ASAP2: variants seen among roughly 807,000 people sequenced by gnomAD.
ASAP2 encodes arf-GAP with SH3 domain, ANK repeat and PH domain-containing protein 2.
A neutral mutation model predicts 131.4 loss-of-function variants in ASAP2; 45 were observed. The observed-to-expected ratio is 0.34, with a 90% CI of 0.27 to 0.44. The LOEUF is 0.44. Ranked by LOEUF, ASAP2 falls within the 20% of genes least tolerant of loss-of-function variation. ASAP2 has a pLI of 1.00. For synonymous variants in ASAP2, 510 were observed against 503.0 expected, an observed-to-expected ratio of 1.01 and a Z score of -0.19; for missense variants, 1,011 against 1,297.0, an observed-to-expected ratio of 0.78 and a Z score of 3.39.
chr2:9,342,201 G>A (rs956985422), intron 9 of ASAP2, among the ~76,000 whole-genome samples: 15 of 152,248 alleles, frequency 9.9e-5, no homozygotes, highest in Middle Eastern at 3.4e-3. Flanking sequence ...ACCCAGAATC[G>A]TCAAAACAAT....
chr2:9,289,726 A>G (rs1667687043), intron 2 of ASAP2, among the ~76,000 whole-genome samples: 1 of 152,170 alleles, frequency 6.6e-6, no homozygotes, highest in African/African-American at 2.4e-5. Flanking sequence ...ATAAGGCAGG[A>G]TCAAAGAGGA....
intron 1 of ASAP2, among the ~76,000 whole-genome samples, chr2:9,267,883 G>A (rs1572299231): frequency 8.7e-6 from 1 of 114,944 alleles, no homozygotes; most frequent in Non-Finnish European, 1.6e-5. Context: ...GAGCAACAGA[G>A]CAAGACTCTA....
chr2:9,221,561 T>C (rs1254010977), intron 1 of ASAP2, among the ~76,000 whole-genome samples: 1 of 152,210 alleles, frequency 6.6e-6, no homozygotes, highest in African/African-American at 2.4e-5. Context: ...TTCTTTTTGA[T>C]GTGAGTGGAA....
chr2:9,359,125 G>T (rs1441571924), intron 15 of ASAP2, among the ~76,000 whole-genome samples: 1 of 152,192 alleles, frequency 6.6e-6, no homozygotes. Flanking sequence ...CAAAACAGGA[G>T]CATTGAGAGT....
In ASAP2 at chr2:9,385,354, T is replaced by C. The variant is rs201192378; in HGVS notation, c.2126T>C (p.Leu709Ser). Residue 709 changes from leucine to serine, a missense_variant, in exon 21 of 28, where the codon TTG (leucine) becomes TCG (serine). Leu to Ser is a moderately radical substitution (Grantham distance 145, BLOSUM62 -2). This residue lies in a region of ASAP2 where 652 missense variants were observed against 698.9 expected (regional missense o/e 0.93). Coordinates refer to ENST00000281419, the MANE Select transcript of ASAP2 (RefSeq NM_003887.3). ...AGTGATGACGACATGGATGAGAAAT[T>C]GCAGGTCTGTGCCAGGTTGCTAACC... is the stretch of plus-strand genomic sequence containing the variant. Reference protein sequence around the residue: ...DESDDDMDEKLQPSPNRREDR... With the variant: ...DESDDDMDEKSQPSPNRREDR... 14 of 1,611,014 alleles carry C rather than the reference T, an allele frequency of 8.7e-6. No individual in the cohort carries two copies. Among genetic ancestry groups the C allele is most frequent in the Non-Finnish European group, 1.0e-5 (12 of 1,177,200 alleles).
At chr2:9,322,388 G>A (rs1269253827) in intron 5 of ASAP2, among the ~76,000 whole-genome samples, 1 of 152,176 alleles carries the variant, frequency 6.6e-6, no homozygotes, top group Admixed American at 6.5e-5. Context: ...AGGCTCTACA[G>A]AAAGAGCTGC....
chr2:9,275,059 A>G (rs547740659), intron 1 of ASAP2, among the ~76,000 whole-genome samples: 1 of 142,540 alleles, frequency 7.0e-6, no homozygotes, highest in East Asian at 2.0e-4. Flanking sequence ...TTCCAGTCCC[A>G]TGTTTTGTTT....
chr2:9,318,006 G>A (rs1669912811), intron 3 of ASAP2, among the ~76,000 whole-genome samples: 1 of 147,562 alleles, frequency 6.8e-6, no homozygotes, highest in Non-Finnish European at 1.5e-5. Context: ...ACACACACAC[G>A]TCTTTTCTCA....
intron 1 of ASAP2, chr2:9,271,323 G>A: frequency 1.0e-6 from 1 of 995,380 alleles, no homozygotes; most frequent in Non-Finnish European, 1.6e-6. Flanking sequence ...TCCTTAGCCA[G>A]TCCAAGCTCT....
At chr2:9,376,360 T>C (rs1178470591) in intron 17 of ASAP2, among the ~76,000 whole-genome samples, 1 of 152,244 alleles carries the variant, frequency 6.6e-6, no homozygotes, top group African/African-American at 2.4e-5. Flanking sequence ...TCCTTGTTCA[T>C]CTCTTCTCCC....
intron 1 of ASAP2, among the ~76,000 whole-genome samples, chr2:9,256,180 AAG>A (rs1491007792): frequency 1.2e-4 from 17 of 143,006 alleles, no homozygotes; most frequent in African/African-American, 4.5e-4. Context: ...AAAAAAAAAA[AAG>A]AAAGCAAGTA....
At position 9,301,820 on chromosome 2, in the gene ASAP2, C is replaced by CTTTTTTTTTTTTTTTTTTT. The variant is rs1177064910; in HGVS notation, c.345+4378_345+4396dup. On this transcript the variant is annotated intron_variant, in intron 3 of 27. Coordinates refer to ENST00000281419, the MANE Select transcript of ASAP2 (RefSeq NM_003887.3). ...ACCAAGCAACGTGTGTATCCATCAT[C>CTTTTTTTTTTTTTTTTTTT]TTTTTTTTTTTTTTTTTTTTTGAGA... Among the ~76,000 whole-genome samples the CTTTTTTTTTTTTTTTTTTT allele has an allele frequency of 2.4e-4, 28 of 115,388 alleles. 1 individual carries two copies. Among genetic ancestry groups the CTTTTTTTTTTTTTTTTTTT allele is most frequent in the African/African-American group, 9.5e-4 (27 of 28,398 alleles). 75.7% of individuals were successfully genotyped at this position (115,388 alleles called of 152,430 possible). A position where few individuals can be genotyped will look rare whatever the true frequency, so the allele number is the denominator to read the frequency against.
At chr2:9,294,243 C>G (rs1428787162) in intron 2 of ASAP2, among the ~76,000 whole-genome samples, 1 of 152,118 alleles carries the variant, frequency 6.6e-6, no homozygotes, top group Non-Finnish European at 1.5e-5. Context: ...AGGTGATGCA[C>G]CTGTCTCGGC....
At chr2:9,264,656 C>T (rs770692154) in intron 1 of ASAP2, among the ~76,000 whole-genome samples, 5 of 151,934 alleles carry the variant, frequency 3.3e-5, no homozygotes, top group Non-Finnish European at 5.9e-5. Flanking sequence ...CTCCTGTCAC[C>T]GTCTTCTCTC....
At chr2:9,252,166 G>A (rs1044179760) in intron 1 of ASAP2, among the ~76,000 whole-genome samples, 13 of 152,190 alleles carry the variant, frequency 8.5e-5, no homozygotes, top group African/African-American at 1.2e-4. Flanking sequence ...GAGGGCAGGC[G>A]TGCCTGACAC....
chr2:9,259,931 G>A (rs1665459605), intron 1 of ASAP2, among the ~76,000 whole-genome samples: 1 of 152,166 alleles, frequency 6.6e-6, no homozygotes, highest in Non-Finnish European at 1.5e-5. Flanking sequence ...TGGAACCCAG[G>A]TCTAAAATTG....
At chr2:9,328,740 C>G (rs1670636553) in intron 7 of ASAP2, among the ~76,000 whole-genome samples, 1 of 152,196 alleles carries the variant, frequency 6.6e-6, no homozygotes, top group Non-Finnish European at 1.5e-5. Flanking sequence ...GGCTCCTTCA[C>G]TCACCCACCC....
At position 9,400,816 on chromosome 2, in the gene ASAP2, A is replaced by G. The variant is rs1676597037; in HGVS notation, c.2809A>G (p.Arg937Gly). ...CCTGCAGCCCCCTGCACCCATGCCT[A>G]GGAAGTCGCAGGCAGTAAGTGACGA... Reference protein sequence around the residue: ...MVLQPPAPMPRKSQATKLKPK... With the variant: ...MVLQPPAPMPGKSQATKLKPK... The change falls in exon 26 of 28, where the codon AGG (arginine) becomes GGG (glycine). Residue 937 changes from arginine (R) to glycine (G), a missense_variant. Coordinates refer to ENST00000281419, the MANE Select transcript of ASAP2 (RefSeq NM_003887.3). 1 of 1,613,358 alleles carries G rather than the reference A, an allele frequency of 6.2e-7. No individual in the cohort carries two copies. The highest frequency in any genetic ancestry group is 8.5e-7 in the Non-Finnish European group (1 of 1,179,846).
chr2:9,362,142 C>G (rs1444022590), intron 15 of ASAP2, among the ~76,000 whole-genome samples: 4 of 152,190 alleles, frequency 2.6e-5, no homozygotes, highest in African/African-American at 9.7e-5. Flanking sequence ...GGAGGCCATG[C>G]ATGGTCTGTC....
Sources: allele counts gnomAD v4.1 joint callset (sites outside exome capture counted in the v4.1 genomes callset), GRCh38; gene constraint gnomAD v4.1.1; regional missense constraint gnomAD v4.1.1; transcripts MANE v1.5; gene names NCBI Gene and HGNC (gene_info 2026-07-23, HGNC 2026-07-21).